BMPR1B: variants seen among roughly 807,000 people sequenced by gnomAD.
BMPR1B encodes the protein bone morphogenetic protein receptor type-1B.
Under a neutral mutation model 59.1 loss-of-function variants are expected in BMPR1B, and 12 were observed. The ratio of observed to expected loss-of-function variants is 0.20; its 90% CI spans 0.13 to 0.33. BMPR1B has a LOEUF of 0.33. Among genes scored for constraint, BMPR1B ranks in the 10% least tolerant of loss-of-function variants. The pLI, the probability that BMPR1B is intolerant of heterozygous loss-of-function variation, is 1.00. For synonymous variants in BMPR1B, 237 were observed against 207.3 expected (o/e 1.14, Z -1.23); for missense variants, 550 against 610.9 (o/e 0.90, Z 1.05).
At chr4:94,973,939 G>C (rs777789985) in intron 2 of BMPR1B, among the ~76,000 whole-genome samples, 1 of 152,158 alleles carries the variant, frequency 6.6e-6, no homozygotes, top group Non-Finnish European at 1.5e-5. Context: ...TAAGAAAAAA[G>C]TGGTTACAAT....
chr4:95,113,191 G>A (rs1731756886), intron 4 of BMPR1B, among the ~76,000 whole-genome samples: 1 of 152,090 alleles, frequency 6.6e-6, no homozygotes, highest in Non-Finnish European at 1.5e-5. Context: ...CAGTAAATTG[G>A]TTAAAAAGGC....
At chr4:94,963,768 C>T (rs944714562) in intron 2 of BMPR1B, among the ~76,000 whole-genome samples, 1 of 151,926 alleles carries the variant, frequency 6.6e-6, no homozygotes, top group East Asian at 1.9e-4. Flanking sequence ...AATCAGGTAA[C>T]GTGAAGCCCA....
chr4:94,828,789 T>C (rs1009022112), intron 1 of BMPR1B, among the ~76,000 whole-genome samples: 3 of 152,142 alleles, frequency 2.0e-5, no homozygotes, highest in Admixed American at 6.5e-5. Context: ...GGCCTAGATG[T>C]CTGTGTTTTA....
At chr4:94,960,462 T>C (rs1016884781) in intron 2 of BMPR1B, among the ~76,000 whole-genome samples, 3 of 152,116 alleles carry the variant, frequency 2.0e-5, no homozygotes, top group African/African-American at 7.2e-5. Context: ...GAATAGGTGA[T>C]AGTAATGTTA....
At chr4:95,085,767 T>G (rs1729526569) in intron 3 of BMPR1B, among the ~76,000 whole-genome samples, 1 of 152,190 alleles carries the variant, frequency 6.6e-6, no homozygotes, top group African/African-American at 2.4e-5. Flanking sequence ...GCATTAGCTT[T>G]TTCTGGGGCA....
At chr4:95,016,669 GTT>G (rs1451808739) in intron 3 of BMPR1B, among the ~76,000 whole-genome samples, 1 of 152,196 alleles carries the variant, frequency 6.6e-6, no homozygotes, top group African/African-American at 2.4e-5. Context: ...TTTGCGAAGT[GTT>G]TTCCACATCT....
chr4:94,886,393 A>G (rs1248078153), intron 2 of BMPR1B, among the ~76,000 whole-genome samples: 1 of 152,202 alleles, frequency 6.6e-6, no homozygotes, highest in Non-Finnish European at 1.5e-5. Context: ...TTTGAGCATA[A>G]TGTTCTCTGT....
At chr4:95,098,908 T>G (rs569933340) in intron 3 of BMPR1B, among the ~76,000 whole-genome samples, 341 of 152,084 alleles carry the variant, frequency 2.2e-3, no homozygotes, top group Non-Finnish European at 3.4e-3. Context: ...AGTAGAGACG[T>G]GGTTTCACCG....
intron 3 of BMPR1B, among the ~76,000 whole-genome samples, chr4:95,030,497 A>C (rs1241591235): frequency 2.0e-5 from 3 of 152,236 alleles, no homozygotes; most frequent in Admixed American, 6.5e-5. Context: ...CCTATTCAAC[A>C]TAGTGTTGGA....
intron 2 of BMPR1B, among the ~76,000 whole-genome samples, chr4:94,891,749 G>A (rs1256891451): frequency 6.6e-6 from 1 of 152,046 alleles, no homozygotes; most frequent in Non-Finnish European, 1.5e-5. Context: ...TACCAGATCA[G>A]TTACAATTTT....
At position 95,082,305 on chromosome 4, in the gene BMPR1B, C is replaced by T. The variant is rs1729220624; in HGVS notation, c.-17-22103C>T. Among the ~76,000 whole-genome samples the T allele has an allele frequency of 2.0e-5, 3 of 151,526 alleles. No homozygotes were observed. In the South Asian group the frequency reaches 6.3e-4, roughly 32 times the overall value. On this transcript the variant is annotated intron_variant, in intron 3 of 12. Transcript: ENST00000515059. ...TCATTTTTAACAACGTAAAAGGGTCCCAAGAACAAAACATTTGAGAACTGC... is the reference window on the plus strand; with the variant it reads ...TCATTTTTAACAACGTAAAAGGGTCTCAAGAACAAAACATTTGAGAACTGC...
At chr4:95,141,503 ATAAATTT>A (rs749607921) in intron 10 of BMPR1B, among the ~76,000 whole-genome samples, 2 of 152,184 alleles carry the variant, frequency 1.3e-5, no homozygotes, top group Non-Finnish European at 2.9e-5. Flanking sequence ...TCCTGCTCAT[ATAAATTT>A]TAAAACGCTG....
At chr4:94,998,592 C>G (rs777513132) in intron 3 of BMPR1B, among the ~76,000 whole-genome samples, 1 of 152,010 alleles carries the variant, frequency 6.6e-6, no homozygotes, top group Admixed American at 6.6e-5. Flanking sequence ...AGGCTGGTCT[C>G]AAACTCCTGA....
intron 3 of BMPR1B, among the ~76,000 whole-genome samples, chr4:95,026,102 C>CTTTCTTTCTTTCTTTCTTTT (rs1560602836): frequency 4.6e-4 from 55 of 120,524 alleles, no homozygotes; most frequent in South Asian, 1.2e-3. Flanking sequence ...TCTTTCATTT[C>CTTTCTTTCTTTCTTTCTTTT]TTTCTTTCTT....
chr4:95,128,754 A>G (rs953155120), intron 8 of BMPR1B, among the ~76,000 whole-genome samples: 2 of 152,122 alleles, frequency 1.3e-5, no homozygotes, highest in Admixed American at 6.6e-5. Flanking sequence ...TGTAATTTCC[A>G]TTAATCTTTT....
chr4:94,945,077 C>T (rs1166245291), intron 2 of BMPR1B, among the ~76,000 whole-genome samples: 3 of 152,144 alleles, frequency 2.0e-5, no homozygotes, highest in Non-Finnish European at 4.4e-5. Flanking sequence ...TGGAACATTT[C>T]ATAACACAAC....
intron 3 of BMPR1B, among the ~76,000 whole-genome samples, chr4:95,070,042 T>C (rs1250524202): frequency 6.6e-6 from 1 of 152,178 alleles, no homozygotes; most frequent in Non-Finnish European, 1.5e-5. Context: ...GAGGTTGCCA[T>C]GAGCCAAGAT....
chr4:95,016,397 A>G (rs1347934832), intron 3 of BMPR1B, among the ~76,000 whole-genome samples: 1 of 152,226 alleles, frequency 6.6e-6, no homozygotes, highest in Non-Finnish European at 1.5e-5. Context: ...ATTCATTCAA[A>G]GTAGAAGATA....
At position 95,088,670 on chromosome 4, in the gene BMPR1B, G is replaced by A. The variant is rs190363558; in HGVS notation, c.-17-15738G>A. Among the ~76,000 whole-genome samples the A allele has an allele frequency of 9.8e-3, 1,482 of 151,996 alleles. 17 individuals carry two copies. The highest frequency in any genetic ancestry group is 0.032 in the African/African-American group (1,304 of 41,394). On this transcript the variant is annotated intron_variant, in intron 3 of 12. Coordinates refer to ENST00000515059, the MANE Select transcript of BMPR1B (RefSeq NM_001203.3). ...ATATTATGGGCTTAATAATAAAAGT[G>A]AGTATTTTTTGTTTCCCAAGAAAGA... is the stretch of plus-strand genomic sequence containing the variant.
Sources: allele counts gnomAD v4.1 joint callset (sites outside exome capture counted in the v4.1 genomes callset), GRCh38; gene constraint gnomAD v4.1.1; transcripts MANE v1.5; gene names NCBI Gene and HGNC (gene_info 2026-07-23, HGNC 2026-07-21).